The following NRG3 variants were observed in gnomAD, a reference collection of about 807,000 sequenced individuals.
NRG3 encodes the protein neuregulin 3.
Under a neutral mutation model 66.9 loss-of-function variants are expected in NRG3, and 31 were observed. That is an observed-to-expected ratio of 0.46 (90% CI 0.35 to 0.63). The LOEUF (loss-of-function observed/expected upper bound fraction) is 0.63. NRG3 is among the 20% of genes least tolerant of loss of function. NRG3 has a pLI of 0.00. For missense variants in NRG3, 910 were observed against 878.9 expected (o/e 1.04, Z -0.45); for synonymous variants, 393 against 359.4 (o/e 1.09, Z -1.06).
chr10:82,113,639 A>G (rs1289223109), intron 1 of NRG3, among the ~76,000 whole-genome samples: 1 of 152,166 alleles, frequency 6.6e-6, no homozygotes, highest in Non-Finnish European at 1.5e-5. Flanking sequence ...AAAAGACATC[A>G]GTGAAAATAC....
chr10:82,065,860 C>A (rs991089934), intron 1 of NRG3, among the ~76,000 whole-genome samples: 1 of 152,092 alleles, frequency 6.6e-6, no homozygotes, highest in Non-Finnish European at 1.5e-5. Flanking sequence ...ATTTGTATAT[C>A]CCAACTCTTT....
chr10:82,556,533 C>T (rs1418855936), intron 2 of NRG3, among the ~76,000 whole-genome samples: 4 of 152,128 alleles, frequency 2.6e-5, no homozygotes, highest in African/African-American at 9.7e-5. Flanking sequence ...CGACCAATGG[C>T]ATCTGCCCTT....
intron 2 of NRG3, among the ~76,000 whole-genome samples, chr10:82,536,323 A>G (rs1231918406): frequency 6.6e-6 from 1 of 152,234 alleles, no homozygotes; most frequent in Admixed American, 6.5e-5. Flanking sequence ...AAAAAGGAAA[A>G]CAAGAATCAA....
chr10:82,533,296 T>C (rs551250331), intron 2 of NRG3, among the ~76,000 whole-genome samples: 3 of 152,100 alleles, frequency 2.0e-5, no homozygotes, highest in Non-Finnish European at 4.4e-5. Flanking sequence ...CTTCATAGTT[T>C]GATGTAATAC....
At chr10:82,392,898 A>T (rs61149708) in intron 2 of NRG3, among the ~76,000 whole-genome samples, 60,888 of 149,948 alleles carry the variant, frequency 0.41, 14,739 homozygotes, top group African/African-American at 0.67. Flanking sequence ...ATATATATAT[A>T]TTTTTTGCAG....
chr10:82,171,616 C>T (rs2072615675), intron 1 of NRG3, among the ~76,000 whole-genome samples: 1 of 152,108 alleles, frequency 6.6e-6, no homozygotes, highest in Admixed American at 6.6e-5. Flanking sequence ...AATAGAACTA[C>T]ATATTTCTTC....
chr10:82,286,143 G>T (rs1054678535), intron 1 of NRG3, among the ~76,000 whole-genome samples: 1 of 152,176 alleles, frequency 6.6e-6, no homozygotes, highest in Non-Finnish European at 1.5e-5. Context: ...AGGAGCGCAG[G>T]TAGGAAGGGT....
intron 1 of NRG3, among the ~76,000 whole-genome samples, chr10:82,234,221 T>C (rs570540298): frequency 2.6e-5 from 4 of 152,330 alleles, no homozygotes; most frequent in Admixed American, 2.6e-4. Flanking sequence ...CCCAACTCAC[T>C]ACGCTCCAAT....
chr10:82,794,142 C>G (rs950677025), intron 3 of NRG3, among the ~76,000 whole-genome samples: 3 of 152,006 alleles, frequency 2.0e-5, no homozygotes, highest in African/African-American at 7.3e-5. Flanking sequence ...TCTCATTGTT[C>G]TATGTTTGGA....
At chr10:82,513,592 C>T (rs1845393998) in intron 2 of NRG3, among the ~76,000 whole-genome samples, 1 of 152,100 alleles carries the variant, frequency 6.6e-6, no homozygotes, top group Non-Finnish European at 1.5e-5. Flanking sequence ...ATTTTCCTGG[C>T]CAACATGGCG....
intron 4 of NRG3, among the ~76,000 whole-genome samples, chr10:82,899,819 G>T (rs1371818584): frequency 6.6e-6 from 1 of 152,152 alleles, no homozygotes; most frequent in African/African-American, 2.4e-5. Context: ...TAATAGGCAG[G>T]TCTGCTCTAA....
chr10:82,056,199 A>G (rs2063839573), intron 1 of NRG3, among the ~76,000 whole-genome samples: 2 of 152,090 alleles, frequency 1.3e-5, no homozygotes, highest in Non-Finnish European at 2.9e-5. Flanking sequence ...GGCATGAGAG[A>G]TGGTTAAGGA....
intron 1 of NRG3, among the ~76,000 whole-genome samples, chr10:81,951,697 T>C (rs1437007512): frequency 6.6e-6 from 1 of 152,194 alleles, no homozygotes; most frequent in East Asian, 1.9e-4. Context: ...TTTTGTGACG[T>C]CTTGGATAAA....
intron 1 of NRG3, among the ~76,000 whole-genome samples, chr10:82,231,850 A>C (rs1416171812): frequency 1.3e-5 from 2 of 152,172 alleles, no homozygotes; most frequent in Admixed American, 6.5e-5. Context: ...AATTCTCTAA[A>C]ATTTTTAGTT....
At chr10:82,722,657 G>A (rs1056668789) in intron 2 of NRG3, among the ~76,000 whole-genome samples, 1 of 151,964 alleles carries the variant, frequency 6.6e-6, no homozygotes, top group Admixed American at 6.6e-5. Flanking sequence ...ACTTCACTTG[G>A]GGTTTTTCTG....
At chr10:82,094,977 C>T (rs2066245353) in intron 1 of NRG3, among the ~76,000 whole-genome samples, 4 of 152,282 alleles carry the variant, frequency 2.6e-5, no homozygotes, top group African/African-American at 9.6e-5. Flanking sequence ...CCTGACTTGA[C>T]CCCTATGCAA....
intron 2 of NRG3, among the ~76,000 whole-genome samples, chr10:82,527,850 G>C (rs1846865744): frequency 6.6e-6 from 1 of 151,226 alleles, no homozygotes; most frequent in African/African-American, 2.4e-5. Context: ...TATGGTCCCT[G>C]TGGTAGCAGT....
chr10:82,472,065 A>T (rs1309185293), intron 2 of NRG3, among the ~76,000 whole-genome samples: 3 of 152,154 alleles, frequency 2.0e-5, no homozygotes, highest in Non-Finnish European at 4.4e-5. Context: ...TTGAAAAAAA[A>T]AAATACTAGA....
chr10:82,679,745 C>A (rs894445866), intron 2 of NRG3, among the ~76,000 whole-genome samples: 3 of 151,704 alleles, frequency 2.0e-5, no homozygotes, highest in African/African-American at 4.8e-5. Flanking sequence ...TAATTGCAGA[C>A]AAAATAATTA....
Sources: allele counts gnomAD v4.1 joint callset (sites outside exome capture counted in the v4.1 genomes callset), GRCh38; gene constraint gnomAD v4.1.1; transcripts MANE v1.5; gene names NCBI Gene and HGNC (gene_info 2026-07-23, HGNC 2026-07-21).